Variants in PLD1 observed in about 807,000 individuals in gnomAD.
The protein encoded by PLD1 is choline phosphatase 1.
Under a neutral mutation model 137.1 loss-of-function variants are expected in PLD1, and 112 were observed. That is an observed-to-expected ratio of 0.82 (90% CI 0.70 to 0.96). PLD1 has a LOEUF of 0.96. PLD1 is among the 40% of genes least tolerant of loss of function. PLD1 has a pLI of 0.00. For missense variants in PLD1, 1,321 were observed against 1,342.0 expected, an observed-to-expected ratio of 0.98 and a Z score of 0.24; for synonymous variants, 431 against 454.7, an observed-to-expected ratio of 0.95 and a Z score of 0.66.
chr3:171,703,766 G>A (rs1485822151), intron 11 of PLD1, among the ~76,000 whole-genome samples: 3 of 152,154 alleles, frequency 2.0e-5, no homozygotes, highest in Non-Finnish European at 4.4e-5. Flanking sequence ...TGACTTGGAG[G>A]GAAAACTTGG....
intron 25 of PLD1, among the ~76,000 whole-genome samples, chr3:171,607,963 A>G (rs1732335705): frequency 6.6e-6 from 1 of 151,986 alleles, no homozygotes; most frequent in Admixed American, 6.5e-5. Context: ...TTTTTAAGTG[A>G]AAAAAATGGT....
rs367812917 is a variant in PLD1 at position 171,708,747 on chromosome 3, A to G, written c.1145+8T>C. ...TCCAGAAAAAAATTCCCAGGGACAA[A>G]TACTAACCACCAGTCTGTGATAAAA... On this transcript the variant is annotated splice_region_variant and intron_variant, in intron 11 of 26. Coordinates refer to ENST00000351298, the MANE Select transcript of PLD1 (RefSeq NM_002662.5). 7.9e-6 allele frequency: 12 copies of G among 1,518,764 alleles called. 1 individual carries two copies. Among genetic ancestry groups the G allele is most frequent in the Non-Finnish European group, 9.1e-7 (1 of 1,093,050 alleles). The allele number at this position is 1,518,764 out of a possible 1,614,324, so 94.1% of individuals were successfully genotyped here. A position where few individuals can be genotyped will look rare whatever the true frequency, so the allele number is the denominator to read the frequency against.
At chr3:171,664,208 T>C (rs1188353482) in intron 19 of PLD1, among the ~76,000 whole-genome samples, 1 of 151,372 alleles carries the variant, frequency 6.6e-6, no homozygotes. Flanking sequence ...ACTGGAAAAA[T>C]ATCATGATTT....
At chr3:171,774,005 C>T in intron 1 of PLD1, among the ~76,000 whole-genome samples, 1 of 152,172 alleles carries the variant, frequency 6.6e-6, no homozygotes, top group Admixed American at 6.5e-5. Flanking sequence ...GCCTCGGCCT[C>T]CCAAAGTGCT....
At chr3:171,799,068 C>T (rs954155018) in intron 1 of PLD1, among the ~76,000 whole-genome samples, 3 of 152,250 alleles carry the variant, frequency 2.0e-5, no homozygotes, top group Admixed American at 6.5e-5. Flanking sequence ...AGGCCAGGCG[C>T]GGTGGCTCAT....
intron 16 of PLD1, among the ~76,000 whole-genome samples, chr3:171,685,267 AC>A: frequency 6.6e-6 from 1 of 152,158 alleles, no homozygotes; most frequent in Non-Finnish European, 1.5e-5. Context: ...GGGAATCATT[AC>A]TCAAAGTCTA....
intron 1 of PLD1, among the ~76,000 whole-genome samples, chr3:171,807,508 G>A (rs981568045): frequency 1.3e-5 from 2 of 152,074 alleles, no homozygotes; most frequent in Non-Finnish European, 2.9e-5. Context: ...ACTTAAAAAT[G>A]GCTACAATGG....
chr3:171,727,900 T>C (rs1202903042), intron 6 of PLD1, among the ~76,000 whole-genome samples: 1 of 152,222 alleles, frequency 6.6e-6, no homozygotes, highest in African/African-American at 2.4e-5. Flanking sequence ...TTTTCTCTTT[T>C]CTTGGGGTTA....
At chr3:171,652,330 G>T (rs1281788460) in intron 21 of PLD1, among the ~76,000 whole-genome samples, 4 of 150,764 alleles carry the variant, frequency 2.7e-5, no homozygotes, top group Non-Finnish European at 5.9e-5. Flanking sequence ...GGAGAATGGC[G>T]TGAACCCAGG....
chr3:171,783,788 A>G (rs1302133112), intron 1 of PLD1, among the ~76,000 whole-genome samples: 1 of 152,068 alleles, frequency 6.6e-6, no homozygotes. Context: ...GACTACAGGC[A>G]CGCACCATCA....
intron 9 of PLD1, among the ~76,000 whole-genome samples, chr3:171,711,937 T>C (rs1227002387): frequency 6.6e-6 from 1 of 152,096 alleles, no homozygotes; most frequent in African/African-American, 2.4e-5. Flanking sequence ...AATTTGAAGT[T>C]TGAAGGAAAA....
At chr3:171,693,166 A>T (rs1390101485) in intron 12 of PLD1, among the ~76,000 whole-genome samples, 6 of 152,212 alleles carry the variant, frequency 3.9e-5, no homozygotes, top group African/African-American at 1.4e-4. Context: ...CTATACAAAT[A>T]ATACAATTAT....
chr3:171,660,076 T>C (rs1024762280), intron 20 of PLD1, among the ~76,000 whole-genome samples: 1 of 152,226 alleles, frequency 6.6e-6, no homozygotes, highest in African/African-American at 2.4e-5. Flanking sequence ...TCAAATAGAA[T>C]AGATTGTTAT....
chr3:171,640,030 T>C (rs1397996557), intron 23 of PLD1, among the ~76,000 whole-genome samples: 1 of 151,658 alleles, frequency 6.6e-6, no homozygotes, highest in Non-Finnish European at 1.5e-5. Context: ...TAGTTTCTGA[T>C]TTTGGTACTT....
intron 23 of PLD1, among the ~76,000 whole-genome samples, chr3:171,634,531 A>C: frequency 6.6e-6 from 1 of 152,202 alleles, no homozygotes; most frequent in Non-Finnish European, 1.5e-5. Flanking sequence ...ATACAATGAG[A>C]TGCAACTTTT....
intron 19 of PLD1, 107 bp downstream of exon 19, chr3:171,674,393 A>T: frequency 1.9e-6 from 1 of 523,266 alleles, no homozygotes; most frequent in Non-Finnish European, 3.5e-6. Flanking sequence ...TTGCTTTAGA[A>T]AAGCAGTCAT....
At chr3:171,772,506 C>T (rs1384806677) in intron 1 of PLD1, among the ~76,000 whole-genome samples, 1 of 152,184 alleles carries the variant, frequency 6.6e-6, no homozygotes, top group African/African-American at 2.4e-5. Flanking sequence ...ACCCCTCTAC[C>T]CACTCCCAGG....
In PLD1 at chr3:171,603,162, G is replaced by A. The variant is rs544189603; in HGVS notation, c.3141C>T (p.Phe1047=). The change falls in exon 27 of 27, where the codon TTC becomes TTT. Residue 1047 remains phenylalanine, a synonymous_variant. Coordinates refer to ENST00000351298, the MANE Select transcript of PLD1 (RefSeq NM_002662.5). ...TTTCTTCAGACAAGAAATAAAAGGG[G>A]AATTGCACCAAAAATCCACGGATCT... ...LKKIRGFLVQ[F]PFYFLSEESL... The A allele has an allele frequency of 3.1e-6, 5 of 1,613,940 alleles. No homozygotes were observed. Among genetic ancestry groups the A allele is most frequent in the South Asian group, 2.2e-5 (2 of 91,092 alleles).
intron 1 of PLD1, among the ~76,000 whole-genome samples, chr3:171,805,514 C>T (rs1333173844): frequency 1.3e-5 from 2 of 152,216 alleles, no homozygotes; most frequent in African/African-American, 4.8e-5. Flanking sequence ...CTCCCAGGAT[C>T]CCTGGCCCAA....
Sources: gnomAD v4.1 joint callset for allele counts (sites outside exome capture counted in the v4.1 genomes callset) on GRCh38, gnomAD v4.1.1 for gene constraint, MANE v1.5 for transcripts, NCBI Gene and HGNC (gene_info 2026-07-23, HGNC 2026-07-21) for gene names.